CPQ: variants seen among roughly 807,000 people sequenced by gnomAD.
CPQ encodes carboxypeptidase Q, also known as Ser-Met dipeptidase.
CPQ carries 37 observed loss-of-function variants against 45.7 expected under a neutral mutation model. That is an observed-to-expected ratio of 0.81 (90% CI 0.62 to 1.07). The LOEUF (loss-of-function observed/expected upper bound fraction) is 1.07, where lower values mean the gene tolerates loss of function less well. CPQ is among the 50% of genes least tolerant of loss of function. CPQ has a pLI of 0.00. For missense variants in CPQ, 537 were observed against 572.9 expected (o/e 0.94, Z 0.64); for synonymous variants, 186 against 205.8 (o/e 0.90, Z 0.82).
At chr8:97,136,288 G>A (rs1219109021) in intron 7 of CPQ, among the ~76,000 whole-genome samples, 2 of 152,106 alleles carry the variant, frequency 1.3e-5, no homozygotes, top group Non-Finnish European at 2.9e-5. Flanking sequence ...CAGGTGTTCC[G>A]TCTTTAAAAA....
Position 96,737,334 on chromosome 8 carries a change from ACT to A in CPQ, c.-34-47528_-34-47527del, listed in dbSNP as rs199940459. 2.9e-3 allele frequency among the ~76,000 whole-genome samples: 354 copies of A among 120,472 alleles called. 2 individuals carry two copies. Among genetic ancestry groups the A allele is most frequent in the African/African-American group, 8.8e-3 (321 of 36,512 alleles). The allele number at this position is 120,472 out of a possible 152,430, so 79.0% of individuals were successfully genotyped here. A position where few individuals can be genotyped will look rare whatever the true frequency, so the allele number is the denominator to read the frequency against. ...GATATATATATATATATATACACAC[ACT>A]CACACAGAACTAATAGGAGATATAT... On this transcript the variant is annotated intron_variant, in intron 1 of 7. Transcript: ENST00000220763.
intron 7 of CPQ, among the ~76,000 whole-genome samples, chr8:97,079,355 A>C (rs1375869445): frequency 6.6e-6 from 1 of 152,182 alleles, no homozygotes; most frequent in African/African-American, 2.4e-5. Context: ...GCTATGAAGC[A>C]ATTGGAAAAG....
chr8:97,043,695 C>T (rs1398959640), intron 6 of CPQ, among the ~76,000 whole-genome samples: 1 of 151,988 alleles, frequency 6.6e-6, no homozygotes, highest in African/African-American at 2.4e-5. Flanking sequence ...GTGACAAAAT[C>T]TCTCATTTGC....
At chr8:97,121,426 T>C (rs986589254) in intron 7 of CPQ, among the ~76,000 whole-genome samples, 7 of 152,200 alleles carry the variant, frequency 4.6e-5, no homozygotes, top group African/African-American at 1.7e-4. Flanking sequence ...AGAAGGGCCT[T>C]GGTGTAATAG....
intron 4 of CPQ, among the ~76,000 whole-genome samples, chr8:96,930,376 C>G (rs1021328442): frequency 2.6e-5 from 4 of 152,176 alleles, no homozygotes; most frequent in African/African-American, 9.7e-5. Flanking sequence ...GAGCATTTAT[C>G]TCACTTGGTA....
At chr8:96,883,366 G>C (rs1465768793) in intron 4 of CPQ, among the ~76,000 whole-genome samples, 1 of 152,132 alleles carries the variant, frequency 6.6e-6, no homozygotes. Flanking sequence ...TCTGTATTTT[G>C]TCGGGGTAGC....
At chr8:96,683,454 C>T (rs1005012287) in intron 1 of CPQ, among the ~76,000 whole-genome samples, 1 of 152,090 alleles carries the variant, frequency 6.6e-6, no homozygotes, top group Non-Finnish European at 1.5e-5. Flanking sequence ...TTAGAATTCT[C>T]TCTTTGTCTT....
At chr8:96,809,580 C>T (rs1047802137) in intron 2 of CPQ, among the ~76,000 whole-genome samples, 6 of 151,936 alleles carry the variant, frequency 3.9e-5, no homozygotes. Flanking sequence ...TTTCAGGGGC[C>T]GGGGTCAGGG....
chr8:97,097,220 T>C (rs1184896014), intron 7 of CPQ, among the ~76,000 whole-genome samples: 1 of 152,168 alleles, frequency 6.6e-6, no homozygotes, highest in Non-Finnish European at 1.5e-5. Context: ...ATTTTGTGGG[T>C]ATATTTTCTA....
rs369480861 is a variant in CPQ, at chr8:96,717,892, G to A, written c.-34-66972G>A. On this transcript the variant is annotated intron_variant, in intron 1 of 7. Coordinates refer to ENST00000220763, the MANE Select transcript of CPQ (RefSeq NM_016134.4). ...CTGTTGTACAGAAGAGTCTTCATGGGGAGTGGGGAGTAGCAGGTGACAGTA... is the reference window on the plus strand; with the variant it reads ...CTGTTGTACAGAAGAGTCTTCATGGAGAGTGGGGAGTAGCAGGTGACAGTA... Among the ~76,000 whole-genome samples the A allele has an allele frequency of 1.1e-4, 17 of 152,324 alleles. No individual in the cohort carries two copies. The South Asian group carries it at 3.5e-3, about 32-fold the overall frequency.
intron 2 of CPQ, among the ~76,000 whole-genome samples, chr8:96,823,953 T>C (rs373536851): frequency 1.6e-4 from 24 of 152,198 alleles, no homozygotes; most frequent in African/African-American, 5.5e-4. Context: ...GATTAAAATA[T>C]ACATTTAAGG....
At chr8:97,045,085 C>CA (rs1252556471) in intron 6 of CPQ, among the ~76,000 whole-genome samples, 20 of 152,350 alleles carry the variant, frequency 1.3e-4, no homozygotes, top group South Asian at 1.2e-3. Flanking sequence ...GCCCTGCCCC[C>CA]AGAGGTGGAG....
intron 1 of CPQ, among the ~76,000 whole-genome samples, chr8:96,777,481 A>G (rs1182150789): frequency 1.3e-5 from 2 of 152,010 alleles, no homozygotes; most frequent in East Asian, 1.9e-4. Flanking sequence ...TCCTTAGCAC[A>G]GAGAATTCAT....
chr8:96,743,807 C>T (rs1023552816), intron 1 of CPQ, among the ~76,000 whole-genome samples: 6 of 152,222 alleles, frequency 3.9e-5, no homozygotes, highest in African/African-American at 1.4e-4. Flanking sequence ...GGGTCAGGGA[C>T]CCACTTGCGG....
At chr8:96,718,945 T>C (rs1299421211) in intron 1 of CPQ, among the ~76,000 whole-genome samples, 3 of 152,230 alleles carry the variant, frequency 2.0e-5, no homozygotes, top group Non-Finnish European at 4.4e-5. Context: ...AGAGTGCCGA[T>C]TGCTGTATTT....
intron 1 of CPQ, among the ~76,000 whole-genome samples, chr8:96,694,188 G>A (rs1277109266): frequency 6.6e-6 from 1 of 151,880 alleles, no homozygotes; most frequent in South Asian, 2.1e-4. Context: ...AAGACAGAAA[G>A]GAAAGAAGGG....
intron 4 of CPQ, among the ~76,000 whole-genome samples, chr8:96,926,570 C>CTTCTTCTTCTTCT (rs1563530774): frequency 1.7e-4 from 8 of 46,644 alleles, no homozygotes; most frequent in African/African-American, 7.1e-4. Flanking sequence ...CTTCCTCTTC[C>CTTCTTCTTCTTCT]TCTTCCTCTT....
chr8:96,960,359 C>A (rs1037373900), intron 4 of CPQ, among the ~76,000 whole-genome samples: 2 of 152,106 alleles, frequency 1.3e-5, no homozygotes, highest in African/African-American at 4.8e-5. Context: ...TATACTTTTT[C>A]TTTGCTTTAG....
At chr8:96,690,445 A>T (rs1355606547) in intron 1 of CPQ, among the ~76,000 whole-genome samples, 1 of 152,150 alleles carries the variant, frequency 6.6e-6, no homozygotes, top group African/African-American at 2.4e-5. Flanking sequence ...GATTTCTGAA[A>T]ATATAGCTTA....
Sources: gnomAD v4.1 joint callset for allele counts (sites outside exome capture counted in the v4.1 genomes callset) on GRCh38, gnomAD v4.1.1 for gene constraint, MANE v1.5 for transcripts, NCBI Gene and HGNC (gene_info 2026-07-23, HGNC 2026-07-21) for gene names.